Variants in FABP7 observed in about 807,000 individuals in gnomAD.
FABP7 encodes fatty acid binding protein 7, also known as fatty acid-binding protein, brain.
Under a neutral mutation model 14.2 loss-of-function variants are expected in FABP7, and 13 were observed. The observed-to-expected ratio is 0.91, with a 90% CI of 0.59 to 1.45. FABP7 has a LOEUF of 1.45. FABP7 is among the 40% of genes most tolerant of loss of function. The pLI is 0.00. For missense variants in FABP7, 149 were observed against 157.6 expected (o/e 0.95, Z 0.29); for synonymous variants, 49 against 51.4 (o/e 0.95, Z 0.20).
At chr6:122,768,936 T>A in the FABP7 span, among the ~76,000 whole-genome samples, 1 of 152,096 alleles carries the variant, frequency 6.6e-6, no homozygotes, top group Admixed American at 6.6e-5. Context: ...ATATCACCAT[T>A]CGAACAGGTT....
At chr6:122,757,747 A>C in the FABP7 span, among the ~76,000 whole-genome samples, 2 of 152,096 alleles carry the variant, frequency 1.3e-5, no homozygotes, top group Non-Finnish European at 2.9e-5. Flanking sequence ...ACTTGTGTGG[A>C]TTGCAGGCTT....
At chr6:122,765,404 T>G in the FABP7 span, among the ~76,000 whole-genome samples, 1 of 152,108 alleles carries the variant, frequency 6.6e-6, no homozygotes, top group Non-Finnish European at 1.5e-5. Context: ...TAGATCGATT[T>G]AGATATGTAT....
the FABP7 span, among the ~76,000 whole-genome samples, chr6:122,768,023 A>G: frequency 1.3e-5 from 2 of 152,150 alleles, no homozygotes; most frequent in Non-Finnish European, 2.9e-5. Context: ...AACAATACAA[A>G]ATAAGAAAAA....
the FABP7 span, among the ~76,000 whole-genome samples, chr6:122,761,281 T>G: frequency 6.6e-6 from 1 of 152,148 alleles, no homozygotes; most frequent in Non-Finnish European, 1.5e-5. Flanking sequence ...AGCCAAATAC[T>G]ATAGAAATAC....
chr6:122,781,478 A>G (rs1780782570), intron 3 of FABP7: 2 of 1,373,838 alleles, frequency 1.5e-6, no homozygotes, highest in East Asian at 5.1e-5. Flanking sequence ...AACTGTGTCA[A>G]AAGATTTTTT....
chr6:122,775,332 T>C (rs11967523), upstream of FABP7, among the ~76,000 whole-genome samples: 2,401 of 125,332 alleles, frequency 0.019, 25 homozygotes, highest in South Asian at 0.04. Flanking sequence ...CCAATAGAAC[T>C]GAATAGAGTA....
At chr6:122,773,925 T>C in the FABP7 span, among the ~76,000 whole-genome samples, 1 of 152,282 alleles carries the variant, frequency 6.6e-6, no homozygotes, top group East Asian at 1.9e-4. Flanking sequence ...ATGAATTCTT[T>C]ACCATTAGTG....
the FABP7 span, among the ~76,000 whole-genome samples, chr6:122,759,931 C>A: frequency 6.6e-6 from 1 of 151,880 alleles, no homozygotes; most frequent in East Asian, 1.9e-4. Flanking sequence ...CCAGCCTGGC[C>A]AATATGGTGA....
At chr6:122,762,769 CATGA>C in the FABP7 span, among the ~76,000 whole-genome samples, 1 of 152,176 alleles carries the variant, frequency 6.6e-6, no homozygotes, top group Non-Finnish European at 1.5e-5. Flanking sequence ...AGAGCCAAAT[CATGA>C]GTGAACTCCC....
At chr6:122,764,149 C>T in the FABP7 span, among the ~76,000 whole-genome samples, 1 of 152,194 alleles carries the variant, frequency 6.6e-6, no homozygotes, top group African/African-American at 2.4e-5. Context: ...AAATGTCCAT[C>T]AATGATAGAC....
At chr6:122,782,167 C>T (rs1393556237) in intron 3 of FABP7, 1 of 983,188 alleles carries the variant, frequency 1.0e-6, no homozygotes, top group East Asian at 1.1e-4. Context: ...TTTTTTCAAT[C>T]AGCCTCTTCT....
At chr6:122,757,375 A>G in the FABP7 span, among the ~76,000 whole-genome samples, 1 of 151,996 alleles carries the variant, frequency 6.6e-6, no homozygotes, top group Non-Finnish European at 1.5e-5. Context: ...GCTGAGTAGG[A>G]ATCACCGAGA....
chr6:122,761,879 CA>C, the FABP7 span, among the ~76,000 whole-genome samples: 2 of 151,934 alleles, frequency 1.3e-5, no homozygotes, highest in Admixed American at 1.3e-4. Context: ...AGAAGATGTT[CA>C]AATTGAGGCA....
rs1780846818 is a variant in FABP7 at position 122,783,556 on chromosome 6, A to AT, written c.349-160dup. On this transcript the variant is annotated intron_variant, in intron 3 of 3. Transcript: ENST00000368444. The stretch of plus-strand genomic sequence containing the variant: ...TTTCAGAGACATAAACTGTATATCA[A>AT]TATAGGGTCTCTTTTCAAGATGTGA... 22 of 985,298 alleles carry AT rather than the reference A, an allele frequency of 2.2e-5. No individual in the cohort carries two copies. In the South Asian group the frequency reaches 8.5e-4, roughly 38 times the overall value. 61.0% of individuals were successfully genotyped at this position (985,298 alleles called of 1,614,324 possible).
chr6:122,784,001 A>C lies in FABP7; in HGVS notation c.*234A>C. The C allele has an allele frequency of 3.2e-6, 1 of 313,830 alleles. No individual in the cohort carries two copies. 19.4% of individuals were successfully genotyped at this position (313,830 alleles called of 1,614,324 possible). On this transcript the variant is annotated 3_prime_UTR_variant, in exon 4 of 4. Coordinates refer to ENST00000368444, the MANE Select transcript of FABP7 (RefSeq NM_001446.5). The stretch of plus-strand genomic sequence containing the variant: ...TTTTGTCCCCCCCCCCCTTTTTTTT[A>C]TAAACAAGTGAATACATTTTATAAT...
At chr6:122,759,016 G>C in the FABP7 span, among the ~76,000 whole-genome samples, 19 of 152,248 alleles carry the variant, frequency 1.2e-4, no homozygotes, top group Admixed American at 3.9e-4. Flanking sequence ...GCTCCCTTGG[G>C]ACCAACATAA....
At chr6:122,775,713 C>A (rs527562824), upstream of FABP7, among the ~76,000 whole-genome samples, 39 of 132,696 alleles carry the variant, frequency 2.9e-4, no homozygotes, top group East Asian at 6.8e-3. Flanking sequence ...ACAAAAAAAA[C>A]AAACAAAAAA....
chr6:122,766,438 A>G, the FABP7 span, among the ~76,000 whole-genome samples: 11 of 152,232 alleles, frequency 7.2e-5, no homozygotes, highest in Admixed American at 2.0e-4. Flanking sequence ...TATCCAAGGA[A>G]AGATATATTG....
the FABP7 span, among the ~76,000 whole-genome samples, chr6:122,753,765 C>A: frequency 1.4e-5 from 2 of 139,196 alleles, 1 homozygote; most frequent in South Asian, 4.5e-4. Flanking sequence ...GATACAGAAT[C>A]TTCTTGGGTC....
Sources: gnomAD v4.1 joint callset for allele counts (sites outside exome capture counted in the v4.1 genomes callset) on GRCh38, gnomAD v4.1.1 for gene constraint, MANE v1.5 for transcripts, NCBI Gene and HGNC (gene_info 2026-07-23, HGNC 2026-07-21) for gene names.